Variants in CDH12 observed in about 807,000 individuals in gnomAD.
The protein encoded by CDH12 is cadherin-12.
CDH12 carries 41 observed loss-of-function variants against 74.1 expected under a neutral mutation model. The observed-to-expected ratio is 0.55, with a 90% CI of 0.43 to 0.72. The LOEUF (loss-of-function observed/expected upper bound fraction) is 0.72. CDH12 is among the 30% of genes least tolerant of loss of function. CDH12 has a pLI of 0.00. For missense variants in CDH12, 945 were observed against 977.2 expected (o/e 0.97, Z 0.44); for synonymous variants, 399 against 355.0 (o/e 1.12, Z -1.39).
intron 2 of CDH12, among the ~76,000 whole-genome samples, chr5:22,419,499 C>T (rs80024479): frequency 6.6e-6 from 1 of 152,136 alleles, no homozygotes; most frequent in Non-Finnish European, 1.5e-5. Flanking sequence ...CCTATGGCTG[C>T]ATAGTATTCC....
At chr5:22,382,549 C>CT (rs1741815144) in intron 3 of CDH12, among the ~76,000 whole-genome samples, 1 of 151,656 alleles carries the variant, frequency 6.6e-6, no homozygotes, top group African/African-American at 2.4e-5. Context: ...GGCGTATTCG[C>CT]TTTTCATCTT....
chr5:22,627,498 T>C (rs1464599134), intron 1 of CDH12, among the ~76,000 whole-genome samples: 1 of 150,588 alleles, frequency 6.6e-6, no homozygotes, highest in African/African-American at 2.4e-5. Context: ...CCAAACTAAG[T>C]TTTATAAATG....
At chr5:22,103,375 C>A (rs1312007067) in intron 4 of CDH12, among the ~76,000 whole-genome samples, 2 of 152,098 alleles carry the variant, frequency 1.3e-5, no homozygotes, top group African/African-American at 2.4e-5. Flanking sequence ...TTACAACCAG[C>A]CATCCAAATG....
At chr5:21,767,771 A>G (rs1033575117) in intron 11 of CDH12, among the ~76,000 whole-genome samples, 3 of 151,690 alleles carry the variant, frequency 2.0e-5, no homozygotes, top group Admixed American at 1.3e-4. Context: ...ACTTTCCATA[A>G]TTAAACATTA....
At chr5:22,594,764 G>T (rs1451845226) in intron 1 of CDH12, among the ~76,000 whole-genome samples, 1 of 152,018 alleles carries the variant, frequency 6.6e-6, no homozygotes, top group African/African-American at 2.4e-5. Context: ...TTTGTTTATT[G>T]CATCTTGATA....
chr5:22,347,355 TTCTC>T (rs1462181817), intron 3 of CDH12, among the ~76,000 whole-genome samples: 2 of 152,164 alleles, frequency 1.3e-5, no homozygotes, highest in Non-Finnish European at 2.9e-5. Context: ...GCTTTCATCT[TTCTC>T]CTGTGCTGGA....
intron 6 of CDH12, among the ~76,000 whole-genome samples, chr5:21,949,020 T>C (rs1347210312): frequency 1.3e-5 from 2 of 152,148 alleles, no homozygotes; most frequent in Non-Finnish European, 2.9e-5. Flanking sequence ...GAACTGTGAC[T>C]CAATTAAACA....
chr5:21,853,480 C>A (rs1460028638), intron 7 of CDH12, among the ~76,000 whole-genome samples: 4 of 151,424 alleles, frequency 2.6e-5, no homozygotes, highest in Non-Finnish European at 5.9e-5. Context: ...TGACTTCTGG[C>A]CCCTATTGGC....
At chr5:22,382,202 ATTTATATATTTAAAATATATAATAT>A (rs1741790074) in intron 3 of CDH12, among the ~76,000 whole-genome samples, 1 of 145,754 alleles carries the variant, frequency 6.9e-6, no homozygotes, top group African/African-American at 2.5e-5. Flanking sequence ...TTTATTAGAT[ATTTATATATTTAAAATATATAATAT>A]TTTATATATT....
chr5:22,512,944 C>G (rs1342524679), intron 1 of CDH12, among the ~76,000 whole-genome samples: 1 of 151,898 alleles, frequency 6.6e-6, no homozygotes, highest in Non-Finnish European at 1.5e-5. Context: ...GTGCCGGTAA[C>G]CCAGGAGGGT....
intron 1 of CDH12, among the ~76,000 whole-genome samples, chr5:22,754,509 A>G (rs576876425): frequency 3.2e-4 from 48 of 151,860 alleles, no homozygotes; most frequent in African/African-American, 1.1e-3. Context: ...TAAGTCTAAG[A>G]CAAAGGAGGA....
At chr5:22,792,144 A>C (rs998151967) in intron 1 of CDH12, among the ~76,000 whole-genome samples, 1 of 143,304 alleles carries the variant, frequency 7.0e-6, no homozygotes, top group Non-Finnish European at 1.5e-5. Context: ...GCTGGAGTGC[A>C]GTCGCATAAT....
intron 1 of CDH12, among the ~76,000 whole-genome samples, chr5:22,529,780 C>A (rs998617347): frequency 1.3e-5 from 2 of 152,066 alleles, no homozygotes; most frequent in African/African-American, 4.8e-5. Context: ...ATCTGAGTGC[C>A]AGATATTGGC....
chr5:21,929,103 A>G (rs1754720713), intron 6 of CDH12, among the ~76,000 whole-genome samples: 2 of 151,906 alleles, frequency 1.3e-5, no homozygotes, highest in African/African-American at 4.8e-5. Context: ...GAGGCCAAAT[A>G]TATATTCAAA....
chr5:22,574,509 T>A (rs1323304519), intron 1 of CDH12, among the ~76,000 whole-genome samples: 3 of 152,148 alleles, frequency 2.0e-5, no homozygotes, highest in Non-Finnish European at 2.9e-5. Context: ...CAGCAACCTA[T>A]CAAACTTATT....
intron 1 of CDH12, among the ~76,000 whole-genome samples, chr5:22,659,005 C>A (rs1214309477): frequency 6.6e-6 from 1 of 152,084 alleles, no homozygotes; most frequent in African/African-American, 2.4e-5. Flanking sequence ...GTAAATTTAT[C>A]TAGCTGTTTT....
chr5:21,866,505 A>G (rs752227517), intron 6 of CDH12, among the ~76,000 whole-genome samples: 1 of 152,158 alleles, frequency 6.6e-6, no homozygotes, highest in Non-Finnish European at 1.5e-5. Flanking sequence ...ATGTTTTAGT[A>G]AAGAGATTGG....
intron 5 of CDH12, among the ~76,000 whole-genome samples, chr5:21,985,096 C>T (rs1336827863): frequency 6.6e-6 from 1 of 152,146 alleles, no homozygotes; most frequent in South Asian, 2.1e-4. Flanking sequence ...CCATAAGTTT[C>T]AAGCATTGCA....
chr5:22,200,872 G>A (rs534751724), intron 4 of CDH12, among the ~76,000 whole-genome samples: 2 of 152,310 alleles, frequency 1.3e-5, no homozygotes, highest in South Asian at 4.1e-4. Flanking sequence ...CATAGAACCT[G>A]CCATCAAAGA....
Sources: gnomAD v4.1 joint callset for allele counts (sites outside exome capture counted in the v4.1 genomes callset) on GRCh38, gnomAD v4.1.1 for gene constraint, MANE v1.5 for transcripts, NCBI Gene and HGNC (gene_info 2026-07-23, HGNC 2026-07-21) for gene names.